The following TENM2 variants were observed in gnomAD, a reference collection of about 807,000 sequenced individuals.
TENM2 encodes the protein teneurin transmembrane protein 2, also known as teneurin-2.
A neutral mutation model predicts 245.2 loss-of-function variants in TENM2; 52 were observed. That is an observed-to-expected ratio of 0.21 (90% CI 0.17 to 0.27). The LOEUF (loss-of-function observed/expected upper bound fraction) is 0.27, where lower values mean the gene tolerates loss of function less well. Among genes scored for constraint, TENM2 ranks in the 10% least tolerant of loss-of-function variants. TENM2 has a pLI of 1.00. For synonymous variants in TENM2, 1,363 were observed against 1,438.9 expected (o/e 0.95, Z 1.19); for missense variants, 3,046 against 3,666.8 (o/e 0.83, Z 4.37).
At chr5:167,952,594 C>T (rs766914270) in exon 4 of TENM2, 9 of 1,608,734 alleles carry the variant, frequency 5.6e-6, no homozygotes, top group Non-Finnish European at 7.6e-6. Flanking sequence ...TCAGGCCCTC[C>T]GAACCACCAC....
At chr5:168,260,993 G>A (rs1046144936) in intron 28 of TENM2, among the ~76,000 whole-genome samples, 5 of 152,230 alleles carry the variant, frequency 3.3e-5, no homozygotes, top group Admixed American at 6.5e-5. Flanking sequence ...CAGAACCGGC[G>A]CTCAGCACTA....
At position 168,226,085 on chromosome 5, in the gene TENM2, C is replaced by G. The variant is rs757203941; in HGVS notation, c.5109-3C>G. 1.2e-5 allele frequency: 20 copies of G among 1,612,172 alleles called. No individual in the cohort carries two copies. In the African/African-American group the frequency reaches 2.1e-4, roughly 17 times the overall value. On this transcript the variant is annotated splice_polypyrimidine_tract_variant and splice_region_variant and intron_variant, in intron 23 of 28. Transcript: ENST00000518659. ...GTTTATCTATCTATCTATCTCCCCC[C>G]AGCTATGACCACGAAGGCCGCCTGA... is the stretch of plus-strand genomic sequence containing the variant.
chr5:167,848,242 T>C (rs1770234102), intron 2 of TENM2, among the ~76,000 whole-genome samples: 1 of 152,066 alleles, frequency 6.6e-6, no homozygotes, highest in Non-Finnish European at 1.5e-5. Context: ...TGTTAAATAG[T>C]GAATGCATAA....
exon 3 of TENM2, chr5:167,876,141 C>G (rs1316098983): frequency 6.4e-7 from 1 of 1,551,574 alleles, no homozygotes; most frequent in Admixed American, 2.0e-5. Flanking sequence ...GGAATTCTCC[C>G]CCAATTCATA....
the TENM2 span, among the ~76,000 whole-genome samples, chr5:167,132,787 G>A: frequency 6.6e-6 from 1 of 152,208 alleles, no homozygotes; most frequent in Non-Finnish European, 1.5e-5. Flanking sequence ...AGAATATAAA[G>A]TTCACATGAA....
intron 19 of TENM2, 128 bp downstream of exon 21, chr5:168,204,749 GC>G: frequency 8.1e-7 from 1 of 1,231,618 alleles, no homozygotes; most frequent in Non-Finnish European, 1.1e-6. Context: ...CAAAACCTAG[GC>G]CCAGAATCAA....
At chr5:167,587,575 A>G (rs985726176) in intron 2 of TENM2, among the ~76,000 whole-genome samples, 1 of 152,148 alleles carries the variant, frequency 6.6e-6, no homozygotes, top group Non-Finnish European at 1.5e-5. Context: ...TGGTGGTGCT[A>G]GAGAGAAGAA....
the TENM2 span, among the ~76,000 whole-genome samples, chr5:167,116,876 T>C: frequency 6.6e-6 from 1 of 152,236 alleles, no homozygotes. Context: ...GTTCAGGCTA[T>C]CTTGTCTTTG....
chr5:168,093,248 T>C (rs563884438), intron 8 of TENM2, among the ~76,000 whole-genome samples: 1 of 152,290 alleles, frequency 6.6e-6, no homozygotes, highest in South Asian at 2.1e-4. Context: ...TGAAATTCCC[T>C]TCCCCCAGGC....
At chr5:167,180,872 T>C in the TENM2 span, among the ~76,000 whole-genome samples, 1 of 150,422 alleles carries the variant, frequency 6.6e-6, no homozygotes, top group Non-Finnish European at 1.5e-5. Flanking sequence ...GCCTCTGGGG[T>C]GGCAGAAGCT....
At chr5:167,321,931 C>A (rs955557082) in intron 1 of TENM2, among the ~76,000 whole-genome samples, 15 of 151,446 alleles carry the variant, frequency 9.9e-5, no homozygotes, top group African/African-American at 3.6e-4. Context: ...CAGGTTCAAG[C>A]AATTCTCTGG....
chr5:167,249,867 TC>T, the TENM2 span, among the ~76,000 whole-genome samples: 2 of 152,134 alleles, frequency 1.3e-5, no homozygotes, highest in African/African-American at 4.8e-5. Flanking sequence ...CCACTCCTTA[TC>T]CCCTGCCCCT....
chr5:167,607,893 A>G (rs1777172126), intron 2 of TENM2, among the ~76,000 whole-genome samples: 1 of 152,128 alleles, frequency 6.6e-6, no homozygotes, highest in African/African-American at 2.4e-5. Flanking sequence ...CCGCCCCTAC[A>G]TAGCCCATTG....
the TENM2 span, among the ~76,000 whole-genome samples, chr5:166,993,237 G>C: frequency 6.6e-6 from 1 of 152,060 alleles, no homozygotes; most frequent in African/African-American, 2.4e-5. Context: ...GCGGACCCTT[G>C]GGAACTGCAG....
chr5:167,279,996 A>T (rs1319283388), upstream of TENM2, among the ~76,000 whole-genome samples: 1 of 152,180 alleles, frequency 6.6e-6, no homozygotes. Context: ...ATATCATGTT[A>T]TGAGACTCTG....
At chr5:168,205,514 C>T (rs972084169) in intron 19 of TENM2, among the ~76,000 whole-genome samples, 1 of 152,084 alleles carries the variant, frequency 6.6e-6, no homozygotes. Flanking sequence ...GAGGAGGCTA[C>T]GTAAGGTGAA....
At chr5:167,237,641 C>G in the TENM2 span, among the ~76,000 whole-genome samples, 1 of 152,148 alleles carries the variant, frequency 6.6e-6, no homozygotes, top group Admixed American at 6.5e-5. Flanking sequence ...ATCAAGAAAG[C>G]GTAAGTGTCA....
intron 25 of TENM2, among the ~76,000 whole-genome samples, chr5:168,236,638 T>C (rs1366820835): frequency 6.6e-6 from 1 of 151,902 alleles, no homozygotes; most frequent in African/African-American, 2.4e-5. Context: ...CTAAAAATGG[T>C]TTTTGTTGTT....
chr5:167,898,204 CACAG>C (rs1288644818), intron 3 of TENM2, among the ~76,000 whole-genome samples: 1 of 152,138 alleles, frequency 6.6e-6, no homozygotes, highest in Non-Finnish European at 1.5e-5. Context: ...TTTTGGTCCT[CACAG>C]ACAAACAACA....
Sources: allele counts gnomAD v4.1 joint callset (sites outside exome capture counted in the v4.1 genomes callset), GRCh38; gene constraint gnomAD v4.1.1; transcripts MANE v1.5; gene names NCBI Gene and HGNC (gene_info 2026-07-23, HGNC 2026-07-21).